Variants in EXOC4 observed in about 807,000 individuals in gnomAD.
EXOC4 encodes SEC8-like 1.
A neutral mutation model predicts 107.2 loss-of-function variants in EXOC4; 71 were observed. That is an observed-to-expected ratio of 0.66 (90% CI 0.55 to 0.81). EXOC4 has a LOEUF of 0.81. Ranked by LOEUF, EXOC4 falls within the 30% of genes least tolerant of loss-of-function variation. The pLI is 0.00. For synonymous variants in EXOC4, 456 were observed against 441.2 expected (o/e 1.03, Z -0.42); for missense variants, 1,108 against 1,189.6 (o/e 0.93, Z 1.01).
intron 7 of EXOC4, among the ~76,000 whole-genome samples, chr7:133,404,877 C>CG (rs1367773423): frequency 1.5e-5 from 1 of 65,512 alleles, no homozygotes; most frequent in Non-Finnish European, 2.9e-5. Flanking sequence ...CTGCGCCCCC[C>CG]CCCCCAATAC....
At position 133,305,871 on chromosome 7, in the gene EXOC4, T is replaced by C; in HGVS notation, c.472-6T>C. ...TTAATTGTCTTTCATTTTTTTCTCT[T>C]TTCAGGTGTCAGCAGTTGAGTCTTT... On this transcript the variant is annotated splice_polypyrimidine_tract_variant and splice_region_variant and intron_variant, in intron 3 of 17. Coordinates refer to ENST00000253861, the MANE Select transcript of EXOC4 (RefSeq NM_021807.4). 6.3e-7 allele frequency: 1 copy of C among 1,587,372 alleles called. No individual in the cohort carries two copies. The highest frequency in any genetic ancestry group is 1.7e-4 in the Middle Eastern group (1 of 5,910).
chr7:133,996,990 T>G (rs1794406663), intron 14 of EXOC4, among the ~76,000 whole-genome samples: 1 of 152,168 alleles, frequency 6.6e-6, no homozygotes, highest in Non-Finnish European at 1.5e-5. Flanking sequence ...AGCCAATGAT[T>G]AGAAGTTAAT....
At chr7:133,687,306 T>C (rs1794327315) in intron 10 of EXOC4, among the ~76,000 whole-genome samples, 2 of 151,958 alleles carry the variant, frequency 1.3e-5, no homozygotes. Flanking sequence ...GTTTAGTGTA[T>C]ACTACTCAGG....
chr7:133,772,101 C>T (rs953625557), intron 10 of EXOC4, among the ~76,000 whole-genome samples: 5 of 151,982 alleles, frequency 3.3e-5, no homozygotes, highest in East Asian at 1.9e-4. Context: ...TCCCCCTTCC[C>T]GTAACTGAAA....
intron 4 of EXOC4, among the ~76,000 whole-genome samples, chr7:133,311,624 A>G (rs1396521602): frequency 1.3e-5 from 2 of 152,214 alleles, no homozygotes; most frequent in Non-Finnish European, 2.9e-5. Context: ...TTTCAAGCAT[A>G]TCAGAAGACA....
chr7:133,591,426 T>C (rs1047870364), intron 9 of EXOC4, among the ~76,000 whole-genome samples: 1 of 152,160 alleles, frequency 6.6e-6, no homozygotes, highest in Non-Finnish European at 1.5e-5. Flanking sequence ...TTTTATCCTT[T>C]TTAGTGCCTC....
chr7:133,283,939 C>T (rs896980389), intron 2 of EXOC4, among the ~76,000 whole-genome samples: 1 of 152,148 alleles, frequency 6.6e-6, no homozygotes, highest in African/African-American at 2.4e-5. Context: ...CCCTATCCCC[C>T]AAGTTCTAAA....
At chr7:133,516,594 G>A (rs901549975) in intron 9 of EXOC4, among the ~76,000 whole-genome samples, 3 of 151,888 alleles carry the variant, frequency 2.0e-5, no homozygotes, top group African/African-American at 7.3e-5. Context: ...GGGCATTTGT[G>A]TTTTTTCCAA....
intron 10 of EXOC4, among the ~76,000 whole-genome samples, chr7:133,794,469 G>A (rs191960975): frequency 1.3e-5 from 2 of 152,252 alleles, no homozygotes; most frequent in East Asian, 3.9e-4. Flanking sequence ...TCTATTTGGA[G>A]TTCTTACTTT....
chr7:133,796,484 C>T (rs112819438), intron 10 of EXOC4, among the ~76,000 whole-genome samples: 32 of 152,160 alleles, frequency 2.1e-4, no homozygotes, highest in Non-Finnish European at 4.0e-4. Flanking sequence ...TGGCCGGGCG[C>T]GGTGGTGGCT....
intron 9 of EXOC4, chr7:133,480,948 G>C (rs1799140179): frequency 1.3e-5 from 2 of 151,796 alleles, no homozygotes; most frequent in Non-Finnish European, 2.9e-5. Context: ...AGCTACTCAG[G>C]AGGCTGAGGT....
At chr7:133,802,236 C>T (rs1368533887) in intron 10 of EXOC4, among the ~76,000 whole-genome samples, 1 of 152,184 alleles carries the variant, frequency 6.6e-6, no homozygotes, top group Non-Finnish European at 1.5e-5. Flanking sequence ...CTTTTCTGAA[C>T]TGTAATTTCC....
intron 5 of EXOC4, among the ~76,000 whole-genome samples, chr7:133,335,259 G>T (rs1386256483): frequency 6.6e-6 from 1 of 152,100 alleles, no homozygotes; most frequent in Middle Eastern, 3.2e-3. Flanking sequence ...TAAGTAGACA[G>T]TTCAGTGGTG....
chr7:133,950,270 A>T (rs1800659083), intron 14 of EXOC4, among the ~76,000 whole-genome samples: 1 of 152,258 alleles, frequency 6.6e-6, no homozygotes, highest in African/African-American at 2.4e-5. Context: ...TAAAGTCATT[A>T]TCCTGACACC....
chr7:133,916,230 A>G (rs901801988), intron 12 of EXOC4, among the ~76,000 whole-genome samples: 1 of 152,214 alleles, frequency 6.6e-6, no homozygotes, highest in Non-Finnish European at 1.5e-5. Flanking sequence ...GTGAGACTCT[A>G]ATGCTACCGC....
chr7:134,051,704 G>A (rs546109588), intron 17 of EXOC4, among the ~76,000 whole-genome samples: 2 of 140,148 alleles, frequency 1.4e-5, no homozygotes, highest in South Asian at 2.3e-4. Context: ...TTGGCTACCT[G>A]GGCCGATGCA....
At chr7:133,516,426 TTTC>T (rs1420125329) in intron 9 of EXOC4, among the ~76,000 whole-genome samples, 5 of 152,110 alleles carry the variant, frequency 3.3e-5, no homozygotes, top group Non-Finnish European at 7.3e-5. Context: ...TTTCTGGACA[TTTC>T]ATGTAATGGA....
At chr7:134,072,297 A>C in the EXOC4 span, among the ~76,000 whole-genome samples, 1 of 152,230 alleles carries the variant, frequency 6.6e-6, no homozygotes, top group Admixed American at 6.5e-5. Context: ...AGAAGAAAGC[A>C]TACTAATTTA....
At chr7:133,798,628 C>G (rs572239877) in intron 10 of EXOC4, among the ~76,000 whole-genome samples, 2 of 152,160 alleles carry the variant, frequency 1.3e-5, no homozygotes, top group East Asian at 3.9e-4. Context: ...CCTGAGTGGT[C>G]AGAAAAGTGC....
Sources: gnomAD v4.1 joint callset for allele counts (sites outside exome capture counted in the v4.1 genomes callset) on GRCh38, gnomAD v4.1.1 for gene constraint, MANE v1.5 for transcripts, NCBI Gene and HGNC (gene_info 2026-07-23, HGNC 2026-07-21) for gene names.